The following TRIM71 variants were observed in gnomAD, a reference collection of about 807,000 sequenced individuals.
TRIM71 encodes tripartite motif containing 71, also known as E3 ubiquitin-protein ligase TRIM71.
A neutral mutation model predicts 61.2 loss-of-function variants in TRIM71; 9 were observed. The observed-to-expected ratio is 0.15, with a 90% CI of 0.09 to 0.26. The LOEUF (loss-of-function observed/expected upper bound fraction) is 0.26, where lower values mean the gene tolerates loss of function less well. Ranked by LOEUF, TRIM71 falls within the 10% of genes least tolerant of loss-of-function variation. TRIM71 has a pLI of 1.00. For missense variants in TRIM71, 998 were observed against 1,238.7 expected (o/e 0.81, Z 2.92); for synonymous variants, 645 against 553.2 (o/e 1.17, Z -2.33).
rs1697027607 is a variant in TRIM71, at chr3:32,891,755, C to A, written c.2551C>A (p.Pro851Thr). The A allele has an allele frequency of 6.2e-7, 1 of 1,614,032 alleles. No individual in the cohort carries two copies. Among genetic ancestry groups the A allele is most frequent in the African/African-American group, 1.3e-5 (1 of 74,928 alleles). Residue 851 changes from proline (P) to threonine (T), a missense_variant, in exon 4 of 4, where the codon CCC becomes ACC. Pro to Thr is a conservative substitution (Grantham distance 38). This residue lies in a region of TRIM71 where 95 missense variants were observed against 159.0 expected (regional missense o/e 0.60). Transcript: ENST00000383763. The surrounding 1 kb of genome is among the most constrained non-coding windows in gnomAD (Gnocchi z 8.2). ...MDRPSGIAIT[P>T]DGMIVVVDFG... ...CCGCCCTTCCGGCATCGCCATCACC[C>A]CCGACGGAATGATCGTTGTGGTGGA...
chr3:32,835,087 T>C lies in TRIM71; in HGVS notation c.852+16155T>C, dbSNP rs1488849289. Reference sequence around the variant, plus strand: ...CATCAAATGGAATAAAATTTAAAAGTCATGTGCAAGATGAAATCATGAAGA... The same window carrying C: ...CATCAAATGGAATAAAATTTAAAAGCCATGTGCAAGATGAAATCATGAAGA... On this transcript the variant is annotated intron_variant, in intron 1 of 3. Transcript: ENST00000383763. Among the ~76,000 whole-genome samples, 5 of 152,278 alleles carry C rather than the reference T, an allele frequency of 3.3e-5. No individual in the cohort carries two copies. In the South Asian group the frequency reaches 8.3e-4, roughly 25 times the overall value.
At chr3:32,866,165 T>C (rs192548224) in intron 1 of TRIM71, among the ~76,000 whole-genome samples, 1 of 151,002 alleles carries the variant, frequency 6.6e-6, no homozygotes, top group South Asian at 2.1e-4. Context: ...GGATTTTTGT[T>C]TTTTTTTTGG....
intron 1 of TRIM71, among the ~76,000 whole-genome samples, chr3:32,828,807 C>T (rs76808067): frequency 1.3e-3 from 205 of 151,978 alleles, no homozygotes; most frequent in African/African-American, 4.8e-3. Flanking sequence ...CCCCAATTTA[C>T]ATTTTATATG....
intron 1 of TRIM71, among the ~76,000 whole-genome samples, chr3:32,859,241 A>C (rs1422583346): frequency 6.6e-6 from 1 of 152,142 alleles, no homozygotes; most frequent in Admixed American, 6.6e-5. Context: ...AAACATGATG[A>C]GTGGTACCGC....
rs1696088125 is a variant in TRIM71, at chr3:32,818,551, C to A, written c.471C>A (p.His157Gln). 2 of 1,270,402 alleles carry A rather than the reference C, an allele frequency of 1.6e-6. No individual in the cohort carries two copies. Among genetic ancestry groups the A allele is most frequent in the Non-Finnish European group, 2.0e-6 (2 of 1,015,324 alleles). The allele number at this position is 1,270,402 out of a possible 1,614,324, so 78.7% of individuals were successfully genotyped here. The change falls in exon 1 of 4, where the codon CAC becomes CAA. Residue 157 changes from histidine to glutamine, a missense_variant. Physicochemically the swap from His to Gln is conservative, Grantham distance 24. This residue lies in a region of TRIM71 where 527 missense variants were observed against 427.8 expected (regional missense o/e 1.23). Transcript: ENST00000383763. ...ACCGGCACCACGCTCACCACGCGCA[C>A]CCGCGCGCGTCCGCCTCCGCGCCGC... ...SNHRHHAHHA[H>Q]PRASASAPPL...
At chr3:32,866,588 TG>T (rs1185000667) in intron 1 of TRIM71, among the ~76,000 whole-genome samples, 2 of 152,038 alleles carry the variant, frequency 1.3e-5, no homozygotes, top group Non-Finnish European at 2.9e-5. Context: ...CACCTAGACA[TG>T]GTGGTGTGCT....
rs1317345918 is a variant in TRIM71 at position 32,818,864 on chromosome 3, G to A, written c.784G>A (p.Gly262Ser). The change falls in exon 1 of 4, where the codon GGC becomes AGC. Residue 262 changes from glycine (G) to serine (S), a missense_variant. By Grantham distance (56) the Gly-to-Ser change is moderately conservative (BLOSUM62 0). Around this residue, in one of 5 missense-constraint regions of TRIM71, gnomAD observed 527 missense variants for 427.8 expected, o/e 1.23. Transcript: ENST00000383763. Reference sequence around the variant, plus strand: ...GCTCGGGCTCGGGCCGCCCTTTCCCGGCCCGCCCTTCTCCATCCTCTCAGT... The same window carrying A: ...GCTCGGGCTCGGGCCGCCCTTTCCCAGCCCGCCCTTCTCCATCCTCTCAGT... ...QQLGLGPPFP[G>S]PPFSILSVFP... The A allele has an allele frequency of 1.2e-6, 2 of 1,612,296 alleles. No homozygotes were observed. Among genetic ancestry groups the A allele is most frequent in the Non-Finnish European group, 1.7e-6 (2 of 1,179,784 alleles).
chr3:32,851,606 G>GTAGCTGGGAT (rs1290504944), intron 1 of TRIM71, among the ~76,000 whole-genome samples: 1 of 152,074 alleles, frequency 6.6e-6, no homozygotes, highest in Admixed American at 6.6e-5. Context: ...AGCCTCCCGA[G>GTAGCTGGGAT]TAGCTGGGAT....
At chr3:32,849,743 C>T (rs370626773) in intron 1 of TRIM71, among the ~76,000 whole-genome samples, 6 of 152,100 alleles carry the variant, frequency 3.9e-5, no homozygotes, top group East Asian at 3.9e-4. Context: ...TTTTTTTGTC[C>T]GGTGGGGTAA....
At chr3:32,830,812 G>A (rs1395526033) in intron 1 of TRIM71, among the ~76,000 whole-genome samples, 2 of 151,942 alleles carry the variant, frequency 1.3e-5, no homozygotes, top group Admixed American at 1.3e-4. Context: ...AAATGTTGAG[G>A]GTTTTTTTTA....
intron 3 of TRIM71, among the ~76,000 whole-genome samples, chr3:32,889,141 A>G (rs774749320): frequency 2.0e-5 from 3 of 152,184 alleles, no homozygotes; most frequent in Non-Finnish European, 2.9e-5. Flanking sequence ...TCTAAACTAC[A>G]ACTCTGTGTG....
Position 32,835,868 on chromosome 3 carries a change from G to A in TRIM71, c.852+16936G>A, listed in dbSNP as rs150222319. Among the ~76,000 whole-genome samples, 542 of 152,198 alleles carry A rather than the reference G, an allele frequency of 3.6e-3. 7 individuals carry two copies. The highest frequency in any genetic ancestry group is 0.012 in the African/African-American group (489 of 41,504). On this transcript the variant is annotated intron_variant, in intron 1 of 3. Coordinates refer to ENST00000383763, the MANE Select transcript of TRIM71 (RefSeq NM_001039111.3). Reference sequence around the variant, plus strand: ...TCCAAAGTTGTGGTGTACCAGGTTCGTGGGGCTCCTTTCAAGCAACCATTT... The same window carrying A: ...TCCAAAGTTGTGGTGTACCAGGTTCATGGGGCTCCTTTCAAGCAACCATTT...
At chr3:32,875,434 T>C (rs1696843674) in intron 2 of TRIM71, among the ~76,000 whole-genome samples, 1 of 152,214 alleles carries the variant, frequency 6.6e-6, no homozygotes, top group African/African-American at 2.4e-5. Context: ...ATAGGATACT[T>C]TGAAAGTCAA....
Position 32,868,100 on chromosome 3 carries a change from A to G in TRIM71, c.853-5718A>G, listed in dbSNP as rs555419312. On this transcript the variant is annotated intron_variant, in intron 1 of 3. Transcript: ENST00000383763. ...TGCTCCTCTTGTAGGCCCCTTTTCA[A>G]TGTTGGCACCCATCAAAGCCTTCCA... Among the ~76,000 whole-genome samples, 84 of 152,224 alleles carry G rather than the reference A, an allele frequency of 5.5e-4. 2 individuals carry two copies. In the South Asian group the frequency reaches 0.013, roughly 24 times the overall value.
chr3:32,841,866 G>C (rs975496226), intron 1 of TRIM71, among the ~76,000 whole-genome samples: 1 of 152,078 alleles, frequency 6.6e-6, no homozygotes, highest in Non-Finnish European at 1.5e-5. Context: ...CAGGAGTCTT[G>C]CCATGTTGCC....
chr3:32,832,007 T>C (rs542191146), intron 1 of TRIM71, among the ~76,000 whole-genome samples: 3 of 152,214 alleles, frequency 2.0e-5, no homozygotes, highest in African/African-American at 7.2e-5. Flanking sequence ...TTGCTAAAGA[T>C]GTATAAGAGC....
At position 32,830,820 on chromosome 3, in the gene TRIM71, T is replaced by A. The variant is rs540055399; in HGVS notation, c.852+11888T>A. Among the ~76,000 whole-genome samples the A allele has an allele frequency of 1.6e-4, 25 of 152,206 alleles. No homozygotes were observed. The East Asian group carries it at 2.5e-3, about 15-fold the overall frequency. On this transcript the variant is annotated intron_variant, in intron 1 of 3. Coordinates refer to ENST00000383763, the MANE Select transcript of TRIM71 (RefSeq NM_001039111.3). ...CTGCCCCAAATGTTGAGGGTTTTTTTTATTTGTTTTGATGTTTGTTTGTTT... is the reference window on the plus strand; with the variant it reads ...CTGCCCCAAATGTTGAGGGTTTTTTATATTTGTTTTGATGTTTGTTTGTTT...
chr3:32,885,235 T>A (rs1696947607), intron 2 of TRIM71, among the ~76,000 whole-genome samples: 2 of 152,208 alleles, frequency 1.3e-5, no homozygotes, highest in African/African-American at 4.8e-5. Flanking sequence ...GCTCGGTATC[T>A]CAACCATGTA....
At position 32,887,711 on chromosome 3, in the gene TRIM71, C is replaced by CAT. The variant is rs141575392; in HGVS notation, c.1155+1651_1155+1652dup. On this transcript the variant is annotated intron_variant, in intron 3 of 3. Coordinates refer to ENST00000383763, the MANE Select transcript of TRIM71 (RefSeq NM_001039111.3). The stretch of plus-strand genomic sequence containing the variant: ...CTTGGCTACCTCATGGGGTTAGCTG[C>CAT]ATATATATAGTTCATGGGTAAGAAC... Among the ~76,000 whole-genome samples the CAT allele has an allele frequency of 7.5e-3, 1,136 of 152,166 alleles. 18 individuals are homozygous for CAT. Among genetic ancestry groups the CAT allele is most frequent in the African/African-American group, 0.026 (1,061 of 41,506 alleles).
Sources: allele counts gnomAD v4.1 joint callset (sites outside exome capture counted in the v4.1 genomes callset), GRCh38; gene constraint gnomAD v4.1.1; regional missense constraint gnomAD v4.1.1; non-coding constraint Gnocchi (gnomAD v3.1); transcripts MANE v1.5; gene names NCBI Gene and HGNC (gene_info 2026-07-23, HGNC 2026-07-21).